The following SUV39H2 variants were observed in gnomAD, a reference collection of about 807,000 sequenced individuals.
The protein encoded by SUV39H2 is SUV39H2 histone lysine methyltransferase.
SUV39H2 carries 10 observed loss-of-function variants against 47.5 expected under a neutral mutation model. The ratio of observed to expected loss-of-function variants is 0.21; its 90% confidence interval spans 0.13 to 0.36. The LOEUF (loss-of-function observed/expected upper bound fraction) is 0.36. Ranked by LOEUF, SUV39H2 falls within the 10% of genes least tolerant of loss-of-function variation. SUV39H2 has a pLI of 1.00. For synonymous variants in SUV39H2, 159 were observed against 166.8 expected, an observed-to-expected ratio of 0.95 and a Z score of 0.36; for missense variants, 266 against 487.4, an observed-to-expected ratio of 0.55 and a Z score of 4.28.
chr10:14,895,028 C>CT (rs1429098895), intron 2 of SUV39H2, among the ~76,000 whole-genome samples: 1 of 151,844 alleles, frequency 6.6e-6, no homozygotes, highest in South Asian at 2.1e-4. Context: ...GTTTAATCAC[C>CT]TTTTTATCTT....
intron 2 of SUV39H2, among the ~76,000 whole-genome samples, chr10:14,893,258 C>G (rs1833453652): frequency 6.6e-6 from 1 of 152,064 alleles, no homozygotes; most frequent in Admixed American, 6.5e-5. Context: ...CCGCCTCGGC[C>G]TCCCAAAGTG....
Position 14,896,785 on chromosome 10 carries a change from T to C in SUV39H2, c.178-61T>C, listed in dbSNP as rs1182058792. On this transcript the variant is annotated intron_variant, in intron 2 of 5. Transcript: ENST00000354919. ...CCTTACTCTTTAAGATTTTTAATTA[T>C]TTTTGGTAAAACTGGGAAATAGCCG... is the stretch of plus-strand genomic sequence containing the variant. 4 of 1,392,860 alleles carry C rather than the reference T, an allele frequency of 2.9e-6. No individual in the cohort carries two copies. The African/African-American group carries it at 4.3e-5, about 15-fold the overall frequency. 86.3% of individuals were successfully genotyped at this position (1,392,860 alleles called of 1,614,324 possible). A position where few individuals can be genotyped will look rare whatever the true frequency, so the allele number is the denominator to read the frequency against.
rs749209507 is a variant in SUV39H2, at chr10:14,897,414, A to G, written c.746A>G (p.Gln249Arg). 17 of 1,613,364 alleles carry G rather than the reference A, an allele frequency of 1.1e-5. No individual in the cohort carries two copies. The African/African-American group carries it at 2.1e-4, about 20-fold the overall frequency. Residue 249 changes from glutamine to arginine, a missense_variant, in exon 3 of 6, where the codon CAG (glutamine) becomes CGG (arginine). By Grantham distance (43) the Gln-to-Arg change is conservative. Coordinates refer to ENST00000354919, the MANE Select transcript of SUV39H2 (RefSeq NM_001193424.2). The part of the protein sequence containing the change: ...CPNRIVQKGT[Q>R]YSLCIFRTSN... ...AATAGGATTGTACAAAAAGGCACAC[A>G]GTATTCGCTTTGCATCTTTCGAACT...
chr10:14,883,704 C>CAAAAAAAAAAAAAAA (rs58522342), intron 2 of SUV39H2, among the ~76,000 whole-genome samples: 23 of 50,058 alleles, frequency 4.6e-4, no homozygotes, highest in East Asian at 1.2e-3. Flanking sequence ...GACTCAGTCT[C>CAAAAAAAAAAAAAAA]AAAAAAAAAA....
In SUV39H2 at chr10:14,899,145, C is replaced by T. The variant is rs574800966; in HGVS notation, c.850-394C>T. 2.7e-4 allele frequency: 186 copies of T among 690,038 alleles called. 1 individual carries two copies. Among genetic ancestry groups the T allele is most frequent in the Middle Eastern group, 1.5e-3 (6 of 3,888 alleles). The allele number at this position is 690,038 out of a possible 1,614,324, so 42.7% of individuals were successfully genotyped here. A position where few individuals can be genotyped will look rare whatever the true frequency, so the allele number is the denominator to read the frequency against. ...GACCAGTGTGGGCAACATAGTGAGA[C>T]CCCACATCTCTATAAAAACTAAATC... is the stretch of plus-strand genomic sequence containing the variant. On this transcript the variant is annotated intron_variant, in intron 3 of 5. Transcript: ENST00000354919.
rs1460908456 is a variant in SUV39H2 at position 14,894,406 on chromosome 10, C to G, written c.178-2440C>G. Among the ~76,000 whole-genome samples, 2 of 43,770 alleles carry G rather than the reference C, an allele frequency of 4.6e-5. 1 individual carries two copies. The highest frequency in any genetic ancestry group is 6.8e-4 in the Admixed American group (2 of 2,950). 28.7% of individuals were successfully genotyped at this position (43,770 alleles called of 152,430 possible). On this transcript the variant is annotated intron_variant, in intron 2 of 5. Transcript: ENST00000354919. ...TTTTTGAGACGGAGTCTCGCTCTGT[C>G]GCCCAGGCTGGAGTGCAGTGGCGCG... is the stretch of plus-strand genomic sequence containing the variant.
Position 14,878,937 on chromosome 10 carries a change from C to A in SUV39H2, c.31+18C>A. The A allele has an allele frequency of 1.4e-6, 2 of 1,458,656 alleles. No individual in the cohort carries two copies. The highest frequency in any genetic ancestry group is 3.0e-5 in the East Asian group (1 of 33,300). 90.4% of individuals were successfully genotyped at this position (1,458,656 alleles called of 1,614,324 possible). A position where few individuals can be genotyped will look rare whatever the true frequency, so the allele number is the denominator to read the frequency against. On this transcript the variant is annotated intron_variant, in intron 1 of 5. Coordinates refer to ENST00000354919, the MANE Select transcript of SUV39H2 (RefSeq NM_001193424.2). ...GCGAGGAGGTGAGGCTGGAGCGCGGCCCCCTCGCCTTCCCTGTTCCCAGGC... is the reference window on the plus strand; with the variant it reads ...GCGAGGAGGTGAGGCTGGAGCGCGGACCCCTCGCCTTCCCTGTTCCCAGGC...
intron 2 of SUV39H2, among the ~76,000 whole-genome samples, chr10:14,891,296 A>G (rs1389124258): frequency 6.6e-6 from 1 of 152,172 alleles, no homozygotes; most frequent in Non-Finnish European, 1.5e-5. Flanking sequence ...TGTTGTGTGA[A>G]TGGGGCCATG....
chr10:14,882,534 AC>A (rs1406326726), intron 2 of SUV39H2, among the ~76,000 whole-genome samples: 1 of 152,210 alleles, frequency 6.6e-6, no homozygotes, highest in Non-Finnish European at 1.5e-5. Context: ...CTATGGACTG[AC>A]CAGTCCAGCT....
intron 3 of SUV39H2, chr10:14,898,852 G>A: frequency 5.2e-6 from 1 of 190,906 alleles, no homozygotes; most frequent in African/African-American, 2.3e-5. Context: ...TTTTCCATTT[G>A]TAACTGCATA....
intron 2 of SUV39H2, among the ~76,000 whole-genome samples, chr10:14,886,628 C>G (rs1235878753): frequency 3.3e-5 from 5 of 152,330 alleles, no homozygotes; most frequent in African/African-American, 1.2e-4. Context: ...ATTCTGTTGA[C>G]TCGTATCTCC....
chr10:14,885,655 A>G (rs576554351), intron 2 of SUV39H2, among the ~76,000 whole-genome samples: 3 of 152,258 alleles, frequency 2.0e-5, no homozygotes, highest in South Asian at 2.1e-4. Context: ...TTGCTCTCTT[A>G]TGTCCTCAGT....
chr10:14,903,718 A>C lies in SUV39H2; in HGVS notation c.*1206A>C, dbSNP rs556051168. 1 of 152,194 alleles carries C rather than the reference A, an allele frequency of 6.6e-6. No homozygotes were observed. The highest frequency in any genetic ancestry group is 2.4e-5 in the African/African-American group (1 of 41,460). 9.4% of individuals were successfully genotyped at this position (152,194 alleles called of 1,614,324 possible). A position where few individuals can be genotyped will look rare whatever the true frequency, so the allele number is the denominator to read the frequency against. ...GAATCTCAGGAAAAACTATTCTTTC[A>C]TGTCTGATTCTGAGATTTCTAATTG... On this transcript the variant is annotated 3_prime_UTR_variant, in exon 6 of 6. Transcript: ENST00000354919.
chr10:14,899,660 A>G lies in SUV39H2; in HGVS notation c.971A>G (p.Asn324Ser), dbSNP rs757086288. ...EFTVDAARYG[N>S]VSHFVNHSCD... is the part of the protein sequence containing the mutation. ...ACAGTGGATGCGGCTCGATACGGCA[A>G]TGTGTCTCATTTTGTGAATCACAGC... The change falls in exon 4 of 6, where the codon AAT (asparagine) becomes AGT (serine). Residue 324 changes from asparagine to serine, a missense_variant. By Grantham distance (46) the Asn-to-Ser change is conservative. This residue lies in a region of SUV39H2 where 112 missense variants were observed against 271.9 expected (regional missense o/e 0.41). Transcript: ENST00000354919. The G allele has an allele frequency of 2.5e-6, 4 of 1,613,772 alleles. No individual in the cohort carries two copies. Among genetic ancestry groups the G allele is most frequent in the Admixed American group, 1.7e-5 (1 of 59,932 alleles).
chr10:14,901,069 A>G, intron 4 of SUV39H2, 64 bp from the exon 5 acceptor site: 4 of 1,557,630 alleles, frequency 2.6e-6, no homozygotes, highest in East Asian at 2.3e-5. Context: ...AACATTTTAT[A>G]TGGCATGTAG....
rs1034200415 is a variant in SUV39H2, at chr10:14,881,405, A to T, written c.32-95A>T. On this transcript the variant is annotated intron_variant, in intron 1 of 5. Coordinates refer to ENST00000354919, the MANE Select transcript of SUV39H2 (RefSeq NM_001193424.2). Reference sequence around the variant, plus strand: ...TAGGAATTTTTAGTCTAAAATTGCCAGTTGAAAGATGGGGAATAGAGGTTT... The same window carrying T: ...TAGGAATTTTTAGTCTAAAATTGCCTGTTGAAAGATGGGGAATAGAGGTTT... 1.4e-5 allele frequency: 15 copies of T among 1,096,500 alleles called. No individual in the cohort carries two copies. The African/African-American group carries it at 2.3e-4, about 17-fold the overall frequency. 67.9% of individuals were successfully genotyped at this position (1,096,500 alleles called of 1,614,324 possible).
At chr10:14,880,149 C>T (rs1833000634) in intron 1 of SUV39H2, 2 of 152,118 alleles carry the variant, frequency 1.3e-5, no homozygotes, top group Non-Finnish European at 2.9e-5. Context: ...ACTGTCCTAC[C>T]CCCAAACGAC....
Position 14,896,977 on chromosome 10 carries a change from G to A in SUV39H2, c.309G>A (p.Gln103=), listed in dbSNP as rs2131702075. The A allele has an allele frequency of 6.2e-7, 1 of 1,613,952 alleles. No individual in the cohort carries two copies. The highest frequency in any genetic ancestry group is 8.5e-7 in the Non-Finnish European group (1 of 1,180,004). The change falls in exon 3 of 6, where the codon CAG becomes CAA. Residue 103 remains glutamine (Q), a synonymous_variant. Transcript: ENST00000354919. ...FSNDKHNYLS[Q]VKKGKAITPK... ...ATGACAAGCATAATTATTTATCTCAGGTAAAGAAAGGCAAAGCAATAACTC... is the reference window on the plus strand; with the variant it reads ...ATGACAAGCATAATTATTTATCTCAAGTAAAGAAAGGCAAAGCAATAACTC...
At chr10:14,900,411 A>AGT (rs1833920866) in intron 4 of SUV39H2, among the ~76,000 whole-genome samples, 1 of 152,232 alleles carries the variant, frequency 6.6e-6, no homozygotes, top group Non-Finnish European at 1.5e-5. Context: ...ATATAAAGGA[A>AGT]GTAGACCATG....
Sources: gnomAD v4.1 joint callset for allele counts (sites outside exome capture counted in the v4.1 genomes callset) on GRCh38, gnomAD v4.1.1 for gene constraint, gnomAD v4.1.1 regional missense constraint, MANE v1.5 for transcripts, NCBI Gene and HGNC (gene_info 2026-07-23, HGNC 2026-07-21) for gene names.